Variants in MIA2 observed in about 807,000 individuals in gnomAD.
MIA2 encodes the protein MIA SH3 domain ER export factor 2.
MIA2 carries 127 observed loss-of-function variants against 167.8 expected under a neutral mutation model. That is an observed-to-expected ratio of 0.76 (90% CI 0.66 to 0.88). The LOEUF is 0.88. Among genes scored for constraint, MIA2 ranks in the 40% least tolerant of loss-of-function variants. MIA2 has a pLI of 0.00. For missense variants in MIA2, 1,690 were observed against 1,624.7 expected, an observed-to-expected ratio of 1.04 and a Z score of -0.69; for synonymous variants, 552 against 541.9, an observed-to-expected ratio of 1.02 and a Z score of -0.26.
intron 25 of MIA2, among the ~76,000 whole-genome samples, chr14:39,333,402 A>C (rs1456905595): frequency 6.6e-6 from 1 of 152,148 alleles, no homozygotes; most frequent in East Asian, 1.9e-4. Context: ...AACTGCTTAA[A>C]TTTGCCATAC....
At chr14:39,275,051 G>A (rs557974335) in intron 6 of MIA2, among the ~76,000 whole-genome samples, 15 of 146,720 alleles carry the variant, frequency 1.0e-4, no homozygotes, top group Admixed American at 4.1e-4. Flanking sequence ...CTCCAGCCTC[G>A]GCAACAGAGT....
In MIA2 at chr14:39,236,938, C is replaced by T. The variant is rs1447236824; in HGVS notation, c.132C>T (p.Val44=). ...DLECEALINR[V]SAMRDYRGPD... ...TTTACATAGCTTTAATAAACAGAGT[C>T]TCAGCCATGAGAGATTATAGAGGAC... Residue 44 remains valine (V), a synonymous_variant, in exon 2 of 29, where the codon GTC becomes GTT. Transcript: ENST00000640607. The T allele has an allele frequency of 6.2e-7, 1 of 1,611,204 alleles. No individual in the cohort carries two copies. Among genetic ancestry groups the T allele is most frequent in the Admixed American group, 1.7e-5 (1 of 59,338 alleles).
intron 2 of MIA2, among the ~76,000 whole-genome samples, chr14:39,238,811 A>AAAC: frequency 9.7e-6 from 1 of 103,608 alleles, no homozygotes; most frequent in African/African-American, 3.9e-5. Flanking sequence ...AAAAAAAAAA[A>AAAC]CCCAAAAAAC....
At position 39,338,338 on chromosome 14, in the gene MIA2, CT is replaced by C. The variant is rs2070944710; in HGVS notation, c.3656-7563del. On this transcript the variant is annotated intron_variant, in intron 25 of 28. Transcript: ENST00000640607. ...GGATCTCTCTGTAGTATTTTTGCAT[CT>C]TTCTGTGAATCTATTTTAAAATAAA... Among the ~76,000 whole-genome samples, 3 of 152,212 alleles carry C rather than the reference CT, an allele frequency of 2.0e-5. No individual in the cohort carries two copies. The South Asian group carries it at 6.2e-4, about 32-fold the overall frequency.
chr14:39,356,880 C>A lies in MIA2; in HGVS notation c.2248+7903C>A, dbSNP rs1026792674. 2.6e-5 allele frequency among the ~76,000 whole-genome samples: 4 copies of A among 152,142 alleles called. No homozygotes were observed. In the East Asian group the frequency reaches 7.7e-4, roughly 29 times the overall value. On this transcript the variant is annotated intron_variant, in intron 23 of 23. Transcript: ENST00000341502. ...AGCAGTTTTGAGTGAGTTTCTTAAT[C>A]CTGAGTTCTAGTTTGATTGCACTGT... is the stretch of plus-strand genomic sequence containing the variant.
chr14:39,315,674 C>A lies in MIA2; in HGVS notation c.3181-9C>A, dbSNP rs1423542515. 1 of 1,547,314 alleles carries A rather than the reference C, an allele frequency of 6.5e-7. No individual in the cohort carries two copies. The highest frequency in any genetic ancestry group is 1.2e-5 in the South Asian group (1 of 84,856). On this transcript the variant is annotated splice_polypyrimidine_tract_variant and intron_variant, in intron 20 of 28. Transcript: ENST00000640607. ...TGGTCAGTAGCATTTTAATTACTTT[C>A]TTTTTCAGATTATTTCCCATGAGAA...
At chr14:39,301,035 TACATACACACAC>T (rs1170216193) in intron 14 of MIA2, among the ~76,000 whole-genome samples, 14 of 68,678 alleles carry the variant, frequency 2.0e-4, no homozygotes, top group South Asian at 6.1e-4. Context: ...TATATACATA[TACATACACACAC>T]ACACACACAC....
intron 9 of MIA2, among the ~76,000 whole-genome samples, chr14:39,286,119 G>C (rs935986820): frequency 6.6e-6 from 1 of 152,060 alleles, no homozygotes; most frequent in African/African-American, 2.4e-5. Flanking sequence ...GTTGTAGCTA[G>C]CCGAGATCAC....
At chr14:39,343,606 C>A (rs1357054178) in intron 25 of MIA2, among the ~76,000 whole-genome samples, 1 of 152,104 alleles carries the variant, frequency 6.6e-6, no homozygotes, top group African/African-American at 2.4e-5. Flanking sequence ...TTTTTCTTAT[C>A]TTTTTTTCTT....
At chr14:39,240,303 G>C (rs929482876) in intron 2 of MIA2, among the ~76,000 whole-genome samples, 30 of 152,206 alleles carry the variant, frequency 2.0e-4, no homozygotes, top group Admixed American at 8.5e-4. Context: ...CGAATAAAAT[G>C]AGTAAGTGGA....
chr14:39,266,421 C>T (rs1246952055), intron 6 of MIA2: 132 of 985,310 alleles, frequency 1.3e-4, no homozygotes, highest in Non-Finnish European at 1.5e-4. Flanking sequence ...GAAAACAGCA[C>T]GCACCGCGCC....
Position 39,275,103 on chromosome 14 carries a change from T to A in MIA2, c.1888-1831T>A, listed in dbSNP as rs577765417. The stretch of plus-strand genomic sequence containing the variant: ...AAAAAAAAAAAATTTTTTTTTTTTT[T>A]AAATTATTCCTTAATTTCCATGTTT... On this transcript the variant is annotated intron_variant, in intron 6 of 28. Transcript: ENST00000640607. Among the ~76,000 whole-genome samples the A allele has an allele frequency of 9.2e-3, 1,257 of 136,056 alleles. 15 individuals are homozygous for A. Among genetic ancestry groups the A allele is most frequent in the African/African-American group, 0.03 (1,108 of 37,510 alleles). 89.3% of individuals were successfully genotyped at this position (136,056 alleles called of 152,430 possible).
At chr14:39,349,523 AC>A (rs1345091201) in intron 28 of MIA2, among the ~76,000 whole-genome samples, 16 of 152,174 alleles carry the variant, frequency 1.1e-4, no homozygotes, top group Non-Finnish European at 1.6e-4. Flanking sequence ...ACTGTTTTGA[AC>A]TATAGGGTTC....
At chr14:39,236,293 C>T (rs1429530875) in intron 1 of MIA2, among the ~76,000 whole-genome samples, 1 of 152,004 alleles carries the variant, frequency 6.6e-6, no homozygotes, top group Non-Finnish European at 1.5e-5. Context: ...GGAAGCAGAA[C>T]ATGACTTAAG....
At chr14:39,329,754 T>C (rs1252328696) in intron 25 of MIA2, among the ~76,000 whole-genome samples, 2 of 152,112 alleles carry the variant, frequency 1.3e-5, no homozygotes, top group African/African-American at 4.8e-5. Flanking sequence ...TGGTTCTGTT[T>C]ATGTGATGAA....
At chr14:39,354,585 T>A (rs950322311), downstream of MIA2, among the ~76,000 whole-genome samples, 1 of 152,214 alleles carries the variant, frequency 6.6e-6, no homozygotes. Flanking sequence ...TTTGGCAATT[T>A]TGGCTTTTGT....
chr14:39,351,670 G>T (rs2074387076), downstream of MIA2, among the ~76,000 whole-genome samples: 2 of 146,880 alleles, frequency 1.4e-5, no homozygotes, highest in Admixed American at 6.9e-5. Flanking sequence ...CCTTGTAGGA[G>T]TATGCAGCAA....
At position 39,247,468 on chromosome 14, in the gene MIA2, A is replaced by G. The variant is rs1185108724; in HGVS notation, c.894A>G (p.Ser298=). Residue 298 remains serine, a synonymous_variant, in exon 4 of 29, where the codon TCA becomes TCG. Transcript: ENST00000640607. ...CACAGTCTGAACTAGCATCTGAGTC[A>G]GAGCACATTCCCAAACCTCAATCCA... ...PKTQSELASE[S]EHIPKPQSTG... 3.7e-6 allele frequency: 6 copies of G among 1,613,798 alleles called. No homozygotes were observed. The African/African-American group carries it at 8.0e-5, about 22-fold the overall frequency.
intron 22 of MIA2, 53 bp from the exon 23 acceptor site, chr14:39,319,156 T>A (rs1002849045): frequency 1.9e-6 from 2 of 1,026,192 alleles, no homozygotes; most frequent in Admixed American, 4.5e-5. Flanking sequence ...CATTTTTTCT[T>A]GTGGTGCTTC....
Sources: gnomAD v4.1 joint callset for allele counts (sites outside exome capture counted in the v4.1 genomes callset) on GRCh38, gnomAD v4.1.1 for gene constraint, MANE v1.5 for transcripts, NCBI Gene and HGNC (gene_info 2026-07-23, HGNC 2026-07-21) for gene names.